The following PPP1R9A variants were observed in gnomAD, a reference collection of about 807,000 sequenced individuals.
The protein encoded by PPP1R9A is neurabin-1.
In PPP1R9A, 59 loss-of-function variants were observed where a neutral mutation model predicts 141.9. The observed-to-expected ratio is 0.42, with a 90% confidence interval of 0.34 to 0.52. The LOEUF (loss-of-function observed/expected upper bound fraction) is 0.52. Ranked by LOEUF, PPP1R9A falls within the 20% of genes least tolerant of loss-of-function variation. The probability of loss-of-function intolerance (pLI) is 0.10; values close to 1 mark genes in which losing one functional copy is unlikely to be tolerated. For missense variants in PPP1R9A, 1,444 were observed against 1,611.9 expected (o/e 0.90, Z 1.78); for synonymous variants, 500 against 569.7 (o/e 0.88, Z 1.74).
At chr7:94,959,324 A>G (rs1018716291) in intron 2 of PPP1R9A, among the ~76,000 whole-genome samples, 3 of 151,720 alleles carry the variant, frequency 2.0e-5, no homozygotes, top group Non-Finnish European at 3.0e-5. Context: ...AAAAAAATGA[A>G]AAGATTATTT....
In PPP1R9A at chr7:95,247,515, T is replaced by C. The variant is rs746087793; in HGVS notation, c.2155T>C (p.Leu719=). The C allele has an allele frequency of 1.9e-5, 31 of 1,608,640 alleles. No homozygotes were observed. Among genetic ancestry groups the C allele is most frequent in the East Asian group, 1.8e-4 (8 of 44,746 alleles). Residue 719 remains leucine (L), a synonymous_variant, in exon 9 of 20, where the codon TTG becomes CTG. Coordinates refer to ENST00000433360, the MANE Select transcript of PPP1R9A (RefSeq NM_001166160.2). ...AGTTACAGAAGCAGAGATTCAAAAA[T>C]TGAAGACCAAGGTAAGCACCGAAAC... ...HAVTEAEIQK[L]KTKLQAAENE... is the part of the protein sequence containing the mutation.
intron 2 of PPP1R9A, among the ~76,000 whole-genome samples, chr7:95,052,085 C>G (rs1198114198): frequency 6.6e-6 from 1 of 152,106 alleles, no homozygotes; most frequent in Non-Finnish European, 1.5e-5. Context: ...AGTGATTCAC[C>G]TGTCTCGGCC....
chr7:94,928,758 T>A (rs1396696480), intron 2 of PPP1R9A, among the ~76,000 whole-genome samples: 1 of 152,206 alleles, frequency 6.6e-6, no homozygotes, highest in African/African-American at 2.4e-5. Flanking sequence ...AAATGTAAAT[T>A]GAATTCTTTG....
At chr7:95,282,021 C>T (rs370036944) in intron 16 of PPP1R9A, among the ~76,000 whole-genome samples, 13 of 152,228 alleles carry the variant, frequency 8.5e-5, no homozygotes, top group African/African-American at 2.9e-4. Context: ...GCTTTCTAGG[C>T]ATTTTTACTA....
At chr7:94,995,384 C>T (rs1190917567) in intron 2 of PPP1R9A, among the ~76,000 whole-genome samples, 3 of 151,948 alleles carry the variant, frequency 2.0e-5, no homozygotes, top group Non-Finnish European at 4.4e-5. Context: ...TTTTTCCCCC[C>T]AATGTTTTCT....
chr7:95,214,534 A>T (rs1792869300), intron 7 of PPP1R9A, among the ~76,000 whole-genome samples: 1 of 152,098 alleles, frequency 6.6e-6, no homozygotes, highest in Non-Finnish European at 1.5e-5. Context: ...TTTTCAACTA[A>T]TCTGAGAAGT....
At chr7:95,194,234 A>C (rs1835911473) in intron 5 of PPP1R9A, among the ~76,000 whole-genome samples, 1 of 152,066 alleles carries the variant, frequency 6.6e-6, no homozygotes, top group Non-Finnish European at 1.5e-5. Context: ...AAATTTACCA[A>C]AAATGTAATG....
chr7:95,146,562 GTC>G lies in PPP1R9A; in HGVS notation c.1650-15303_1650-15302del, dbSNP rs535787959. On this transcript the variant is annotated intron_variant, in intron 4 of 19. Coordinates refer to ENST00000433360, the MANE Select transcript of PPP1R9A (RefSeq NM_001166160.2). ...TTGTTTTTGGTGTTTTAGTCATGAA[GTC>G]TTTGCTCATGCCTATGTCCTGAATC... is the stretch of plus-strand genomic sequence containing the variant. Among the ~76,000 whole-genome samples, 478 of 152,222 alleles carry G rather than the reference GTC, an allele frequency of 3.1e-3. 3 individuals carry two copies. The highest frequency in any genetic ancestry group is 0.011 in the African/African-American group (469 of 41,532).
intron 12 of PPP1R9A, among the ~76,000 whole-genome samples, chr7:95,264,620 A>G (rs535238620): frequency 1.3e-5 from 2 of 152,322 alleles, no homozygotes; most frequent in Non-Finnish European, 2.9e-5. Context: ...CTTAAAATGC[A>G]GGTATAGAGG....
intron 8 of PPP1R9A, among the ~76,000 whole-genome samples, chr7:95,236,319 A>G (rs575795866): frequency 6.6e-6 from 1 of 152,216 alleles, no homozygotes; most frequent in African/African-American, 2.4e-5. Flanking sequence ...AATTCAGCAT[A>G]TTAAAGGTAA....
chr7:95,089,771 T>G (rs191323070), intron 2 of PPP1R9A, among the ~76,000 whole-genome samples: 225 of 151,944 alleles, frequency 1.5e-3, no homozygotes, highest in Non-Finnish European at 2.5e-3. Context: ...GAGTTTTACA[T>G]AAAGTTTTAT....
chr7:95,184,261 C>G (rs1032287557), intron 5 of PPP1R9A, among the ~76,000 whole-genome samples: 4 of 152,136 alleles, frequency 2.6e-5, no homozygotes, highest in Admixed American at 6.5e-5. Context: ...CTAAAACACT[C>G]TAGGATCTTG....
chr7:95,228,255 A>T (rs1758493739), intron 8 of PPP1R9A, among the ~76,000 whole-genome samples: 1 of 152,144 alleles, frequency 6.6e-6, no homozygotes, highest in Admixed American at 6.6e-5. Flanking sequence ...TTCCTGCTAA[A>T]CTCAAAGCTC....
At chr7:95,185,378 A>ATTTTTTTTTTTTTTTTTTTTTTTT (rs147366122) in intron 5 of PPP1R9A, among the ~76,000 whole-genome samples, 7 of 148,884 alleles carry the variant, frequency 4.7e-5, no homozygotes, top group African/African-American at 1.5e-4. Flanking sequence ...TTTTTATGGG[A>ATTTTTTTTTTTTTTTTTTTTTTTT]TTTTTTTTTT....
intron 12 of PPP1R9A, among the ~76,000 whole-genome samples, chr7:95,254,355 C>G (rs1008718395): frequency 2.6e-5 from 4 of 152,180 alleles, no homozygotes; most frequent in African/African-American, 9.6e-5. Context: ...CTGGAAAGCA[C>G]TTTTCTAAAT....
At chr7:95,022,246 G>A (rs1442293203) in intron 2 of PPP1R9A, among the ~76,000 whole-genome samples, 2 of 152,124 alleles carry the variant, frequency 1.3e-5, no homozygotes, top group East Asian at 1.9e-4. Context: ...GTGAATGGGA[G>A]TTCACTCATG....
chr7:95,023,984 G>T (rs554949244), intron 2 of PPP1R9A, among the ~76,000 whole-genome samples: 7 of 152,278 alleles, frequency 4.6e-5, no homozygotes, highest in African/African-American at 1.4e-4. Context: ...CTGGTATGTT[G>T]TGTCTTTGTT....
chr7:95,111,491 T>C (rs1820557440), intron 3 of PPP1R9A, 100 bp downstream of exon 3: 5 of 1,175,820 alleles, frequency 4.3e-6, no homozygotes, highest in Non-Finnish European at 5.9e-6. Flanking sequence ...TTGGATAAAA[T>C]TTTAATTCTA....
chr7:95,029,535 A>G (rs1807360538), intron 2 of PPP1R9A, among the ~76,000 whole-genome samples: 1 of 152,224 alleles, frequency 6.6e-6, no homozygotes, highest in African/African-American at 2.4e-5. Context: ...CCATCAGTGA[A>G]TGAAGGGAGC....
Sources: gnomAD v4.1 joint callset for allele counts (sites outside exome capture counted in the v4.1 genomes callset) on GRCh38, gnomAD v4.1.1 for gene constraint, MANE v1.5 for transcripts, NCBI Gene and HGNC (gene_info 2026-07-23, HGNC 2026-07-21) for gene names.